The following GLIS3 variants were observed in gnomAD, a reference collection of about 807,000 sequenced individuals.
GLIS3 encodes the protein zinc finger protein GLIS3.
GLIS3 carries 53 observed loss-of-function variants against 78.6 expected under a neutral mutation model. The ratio of observed to expected loss-of-function variants is 0.67; its 90% confidence interval spans 0.54 to 0.85. The LOEUF (loss-of-function observed/expected upper bound fraction) is 0.85, where lower values mean the gene tolerates loss of function less well. Among genes scored for constraint, GLIS3 ranks in the 40% least tolerant of loss-of-function variants. The pLI is 0.00. For missense variants in GLIS3, 1,703 were observed against 1,231.1 expected (o/e 1.38, Z -5.74); for synonymous variants, 684 against 509.9 (o/e 1.34, Z -4.60).
intron 2 of GLIS3, among the ~76,000 whole-genome samples, chr9:4,145,705 C>T (rs533200506): frequency 6.6e-6 from 1 of 151,954 alleles, no homozygotes; most frequent in African/African-American, 2.4e-5. Flanking sequence ...CCTCTCCCTT[C>T]CTCCCCTTCT....
At chr9:3,913,375 C>A (rs1452591693) in intron 6 of GLIS3, among the ~76,000 whole-genome samples, 1 of 152,198 alleles carries the variant, frequency 6.6e-6, no homozygotes, top group African/African-American at 2.4e-5. Flanking sequence ...TCGTTCAAAG[C>A]CCTTTAGTGA....
chr9:4,423,548 T>C, the GLIS3 span, among the ~76,000 whole-genome samples: 1 of 152,142 alleles, frequency 6.6e-6, no homozygotes, highest in Non-Finnish European at 1.5e-5. Context: ...TTATACCTTA[T>C]TAAAACCCAC....
At chr9:4,254,396 CAT>C (rs772897381) in intron 2 of GLIS3, among the ~76,000 whole-genome samples, 210 of 152,286 alleles carry the variant, frequency 1.4e-3, no homozygotes, top group Non-Finnish European at 1.7e-3. Context: ...TGAATAGAGA[CAT>C]ATACTATACT....
the GLIS3 span, among the ~76,000 whole-genome samples, chr9:4,372,815 T>C: frequency 1.8e-4 from 28 of 152,282 alleles, 1 homozygote; most frequent in East Asian, 5.2e-3. Context: ...ATTATCCTTA[T>C]TTCACCTACG....
intron 4 of GLIS3, among the ~76,000 whole-genome samples, chr9:4,050,561 G>C (rs1165328063): frequency 6.6e-6 from 1 of 151,990 alleles, no homozygotes; most frequent in South Asian, 2.1e-4. Context: ...CAAACCTGCA[G>C]CTTGTGCACA....
At chr9:4,457,562 G>A in the GLIS3 span, among the ~76,000 whole-genome samples, 73 of 151,926 alleles carry the variant, frequency 4.8e-4, no homozygotes, top group African/African-American at 1.6e-3. Flanking sequence ...AAAATGCAGA[G>A]ACTGGCCAGG....
intron 2 of GLIS3, among the ~76,000 whole-genome samples, chr9:4,194,823 T>G (rs1006076750): frequency 6.6e-6 from 1 of 152,102 alleles, no homozygotes; most frequent in Non-Finnish European, 1.5e-5. Flanking sequence ...GGAGCTAACT[T>G]AGGGAGACGC....
intron 4 of GLIS3, among the ~76,000 whole-genome samples, chr9:4,107,276 G>C (rs1276327507): frequency 6.6e-6 from 1 of 152,064 alleles, no homozygotes; most frequent in African/African-American, 2.4e-5. Flanking sequence ...ACCAATACTC[G>C]GTGTTTAAGT....
intron 2 of GLIS3, among the ~76,000 whole-genome samples, chr9:4,317,904 T>C (rs1423506918): frequency 6.6e-6 from 1 of 152,240 alleles, no homozygotes; most frequent in East Asian, 1.9e-4. Flanking sequence ...TCTTCAGCCT[T>C]ACTCAAGCCA....
At chr9:4,251,128 G>C (rs1261861556) in intron 2 of GLIS3, among the ~76,000 whole-genome samples, 5 of 152,168 alleles carry the variant, frequency 3.3e-5, no homozygotes, top group Non-Finnish European at 7.3e-5. Context: ...AGGTCCACTT[G>C]GTCCAGAGCT....
At chr9:4,055,812 C>T (rs1042480175) in intron 4 of GLIS3, among the ~76,000 whole-genome samples, 2 of 152,186 alleles carry the variant, frequency 1.3e-5, no homozygotes, top group Admixed American at 6.5e-5. Flanking sequence ...TGTAAAGGAG[C>T]CCTACCAATG....
At chr9:4,297,535 G>A (rs1816651845) in intron 1 of GLIS3, among the ~76,000 whole-genome samples, 2 of 152,344 alleles carry the variant, frequency 1.3e-5, no homozygotes, top group Admixed American at 1.3e-4. Flanking sequence ...CAACTCTCGG[G>A]AGATGCTGAA....
chr9:3,989,684 A>G (rs1426899750), intron 4 of GLIS3, among the ~76,000 whole-genome samples: 3 of 152,206 alleles, frequency 2.0e-5, no homozygotes, highest in African/African-American at 4.8e-5. Context: ...GAAAAAAATT[A>G]CTACTAGAGG....
At chr9:4,080,238 A>G (rs1221913055) in intron 4 of GLIS3, among the ~76,000 whole-genome samples, 1 of 152,188 alleles carries the variant, frequency 6.6e-6, no homozygotes, top group Non-Finnish European at 1.5e-5. Flanking sequence ...TGCATTCGTA[A>G]GCATTTCCTG....
intron 6 of GLIS3, among the ~76,000 whole-genome samples, chr9:3,913,680 T>A (rs1480623825): frequency 6.6e-6 from 1 of 152,244 alleles, no homozygotes; most frequent in Non-Finnish European, 1.5e-5. Context: ...CATTCCAAAG[T>A]AATTTTATTC....
At chr9:4,092,296 C>A (rs1012768414) in intron 4 of GLIS3, among the ~76,000 whole-genome samples, 1 of 151,710 alleles carries the variant, frequency 6.6e-6, no homozygotes, top group Non-Finnish European at 1.5e-5. Context: ...GGACTACAGG[C>A]GCCCACCACC....
At chr9:3,865,157 A>G (rs1302559339) in intron 8 of GLIS3, among the ~76,000 whole-genome samples, 1 of 152,242 alleles carries the variant, frequency 6.6e-6, no homozygotes, top group Non-Finnish European at 1.5e-5. Flanking sequence ...TAAACAGAAA[A>G]GCAACCAAAG....
the GLIS3 span, among the ~76,000 whole-genome samples, chr9:4,489,152 C>T: frequency 6.6e-6 from 1 of 152,200 alleles, no homozygotes; most frequent in Non-Finnish European, 1.5e-5. Context: ...CAGGCAAGAG[C>T]CACCGCACCC....
chr9:4,446,803 G>C, the GLIS3 span, among the ~76,000 whole-genome samples: 2 of 151,654 alleles, frequency 1.3e-5, no homozygotes, highest in African/African-American at 4.9e-5. Context: ...GAGCCACTGC[G>C]CCTGGTCCCA....
Sources: allele counts gnomAD v4.1 joint callset (sites outside exome capture counted in the v4.1 genomes callset), GRCh38; gene constraint gnomAD v4.1.1; transcripts MANE v1.5; gene names NCBI Gene and HGNC (gene_info 2026-07-23, HGNC 2026-07-21).